The following ATP13A4 variants were observed in gnomAD, a reference collection of about 807,000 sequenced individuals.
ATP13A4 encodes probable cation-transporting ATPase 13A4.
ATP13A4 carries 114 observed loss-of-function variants against 142.5 expected under a neutral mutation model. That is an observed-to-expected ratio of 0.80 (90% CI 0.69 to 0.93). ATP13A4 has a LOEUF of 0.93. Ranked by LOEUF, ATP13A4 falls within the 40% of genes least tolerant of loss-of-function variation. The probability of loss-of-function intolerance (pLI) is 0.00; values close to 1 mark genes in which losing one functional copy is unlikely to be tolerated. For synonymous variants in ATP13A4, 488 were observed against 514.8 expected, an observed-to-expected ratio of 0.95 and a Z score of 0.70; for missense variants, 1,392 against 1,454.0, an observed-to-expected ratio of 0.96 and a Z score of 0.69.
chr3:193,412,036 G>C, intron 27 of ATP13A4, 142 bp downstream of exon 27: 1 of 728,024 alleles, frequency 1.4e-6, no homozygotes, highest in Non-Finnish European at 2.4e-6. Flanking sequence ...GAGGCTGTAC[G>C]ATGTGTTTTG....
At chr3:193,415,189 AT>A (rs1714990601) in intron 25 of ATP13A4, among the ~76,000 whole-genome samples, 1 of 152,220 alleles carries the variant, frequency 6.6e-6, no homozygotes. Flanking sequence ...AAAAATATTC[AT>A]TATGGCATCA....
Position 193,563,010 on chromosome 3 carries a change from T to C in ATP13A4, n.291+18697A>G, listed in dbSNP as rs540516962. 5.9e-5 allele frequency among the ~76,000 whole-genome samples: 9 copies of C among 152,316 alleles called. No homozygotes were observed. In the South Asian group the frequency reaches 1.9e-3, roughly 32 times the overall value. ...ATCTTTGAAATGAGATATAATCCCG[T>C]TACTCCATGATACGGTATTGTTGGA... On this transcript the variant is annotated intron_variant and non_coding_transcript_variant, in intron 2 of 3. Coordinates refer to the ATP13A4 transcript ENST00000489140.
chr3:193,502,836 T>C (rs1362925665), intron 2 of ATP13A4, among the ~76,000 whole-genome samples, 197 bp from the exon 3 acceptor site: 2 of 152,164 alleles, frequency 1.3e-5, no homozygotes, highest in Non-Finnish European at 2.9e-5. Context: ...GACTGAGGAA[T>C]CTGGATATGA....
chr3:193,480,948 T>A (rs934542939), intron 8 of ATP13A4, among the ~76,000 whole-genome samples: 2 of 152,116 alleles, frequency 1.3e-5, no homozygotes, highest in African/African-American at 4.8e-5. Flanking sequence ...CATACAGACA[T>A]AAAAAATGAA....
At chr3:193,494,315 C>T (rs1720107539) in intron 3 of ATP13A4, among the ~76,000 whole-genome samples, 1 of 152,054 alleles carries the variant, frequency 6.6e-6, no homozygotes, top group Admixed American at 6.6e-5. Flanking sequence ...CATTCAACAG[C>T]TGCAGAATAT....
intron 1 of ATP13A4, among the ~76,000 whole-genome samples, chr3:193,531,332 A>AAGAG (rs756724048): frequency 3.6e-5 from 3 of 82,574 alleles, no homozygotes; most frequent in Non-Finnish European, 5.1e-5. Context: ...GGAAGGAAGG[A>AAGAG]AGGAAGGGAG....
chr3:193,567,771 G>C (rs553316378), intron 2 of ATP13A4, among the ~76,000 whole-genome samples: 14 of 152,084 alleles, frequency 9.2e-5, no homozygotes, highest in African/African-American at 3.4e-4. Context: ...TGATATCCTT[G>C]GTTTCTTTCC....
chr3:193,449,396 T>C (rs1717140939), intron 17 of ATP13A4, among the ~76,000 whole-genome samples: 1 of 152,170 alleles, frequency 6.6e-6, no homozygotes, highest in Non-Finnish European at 1.5e-5. Flanking sequence ...CCTGTCTCAA[T>C]AGTGGGTCTC....
At chr3:193,416,927 A>T (rs1715094053) in intron 25 of ATP13A4, 1 of 152,192 alleles carries the variant, frequency 6.6e-6, no homozygotes, top group South Asian at 2.1e-4. Flanking sequence ...TATTTGAGCT[A>T]TTAAAAAACA....
At chr3:193,538,906 T>C (rs1722732492) in intron 1 of ATP13A4, among the ~76,000 whole-genome samples, 1 of 149,648 alleles carries the variant, frequency 6.7e-6, no homozygotes, top group African/African-American at 2.4e-5. Context: ...TTTTTTTTTT[T>C]TTTTTGAGAT....
chr3:193,517,532 G>C (rs1162524053), intron 1 of ATP13A4, among the ~76,000 whole-genome samples: 3 of 152,198 alleles, frequency 2.0e-5, no homozygotes, highest in Non-Finnish European at 4.4e-5. Context: ...CCAGGCTGGA[G>C]TACAGTGGCG....
intron 2 of ATP13A4, among the ~76,000 whole-genome samples, chr3:193,578,023 G>T (rs912015848): frequency 6.6e-6 from 1 of 152,144 alleles, no homozygotes; most frequent in Non-Finnish European, 1.5e-5. Context: ...GGCTAGGTGC[G>T]GTGGCTCACT....
At chr3:193,541,157 G>A (rs1461414512) in intron 1 of ATP13A4, among the ~76,000 whole-genome samples, 1 of 150,222 alleles carries the variant, frequency 6.7e-6, no homozygotes, top group African/African-American at 2.5e-5. Context: ...GCTGAGGCAG[G>A]AGAATGGCGT....
At chr3:193,562,491 G>A (rs1187639374) in intron 2 of ATP13A4, among the ~76,000 whole-genome samples, 1 of 152,144 alleles carries the variant, frequency 6.6e-6, no homozygotes, top group African/African-American at 2.4e-5. Flanking sequence ...AGAGTCCATA[G>A]ACTAGGGATT....
At position 193,412,346 on chromosome 3, in the gene ATP13A4, T is replaced by C. The variant is rs757246585; in HGVS notation, c.3040A>G (p.Ile1014Val). ...GTTGGAGACATGGTTAACTCTGAGA[T>C]GCTTTCATTTTGTACTGTGCAGGCA... ...HSACTVQNES[I>V]SELTMSPTAP... is the part of the protein sequence containing the mutation. Residue 1014 changes from isoleucine (I) to valine (V), a missense_variant, in exon 27 of 30, where the codon ATC (isoleucine) becomes GTC (valine). By Grantham distance (29) the Ile-to-Val change is conservative. Coordinates refer to ENST00000342695, the MANE Select transcript of ATP13A4 (RefSeq NM_032279.4). The C allele has an allele frequency of 2.2e-5, 35 of 1,614,044 alleles. No homozygotes were observed. Among genetic ancestry groups the C allele is most frequent in the Non-Finnish European group, 2.5e-5 (30 of 1,180,016 alleles).
At chr3:193,474,192 G>A (rs1166154034) in intron 8 of ATP13A4, among the ~76,000 whole-genome samples, 1 of 151,672 alleles carries the variant, frequency 6.6e-6, no homozygotes, top group East Asian at 1.9e-4. Flanking sequence ...GGTGGCACGT[G>A]CCTGTAGTCC....
chr3:193,462,970 C>A, intron 12 of ATP13A4, 147 bp from the exon 13 acceptor site: 1 of 725,312 alleles, frequency 1.4e-6, no homozygotes, highest in East Asian at 2.7e-5. Context: ...CATAATGAAA[C>A]CACCTCCCTA....
intron 1 of ATP13A4, among the ~76,000 whole-genome samples, chr3:193,520,395 C>T (rs1172969584): frequency 1.3e-5 from 2 of 152,230 alleles, no homozygotes; most frequent in Non-Finnish European, 2.9e-5. Context: ...AAACTAGTCA[C>T]ATCATTTGCA....
rs183731748 is a variant in ATP13A4, at chr3:193,409,220, A to T, written c.3297+1762T>A. 1.5e-3 allele frequency among the ~76,000 whole-genome samples: 225 copies of T among 152,180 alleles called. 2 individuals carry two copies. The highest frequency in any genetic ancestry group is 5.3e-3 in the African/African-American group (219 of 41,520). ...CAAAACAACATGATTCCATCCTTTT[A>T]AAAAAAACTAAAAATTAATCAACAC... On this transcript the variant is annotated intron_variant, in intron 28 of 29. Transcript: ENST00000342695.
Sources: allele counts gnomAD v4.1 joint callset (sites outside exome capture counted in the v4.1 genomes callset), GRCh38; gene constraint gnomAD v4.1.1; transcripts MANE v1.5; gene names NCBI Gene and HGNC (gene_info 2026-07-23, HGNC 2026-07-21).